The following PALLD variants were observed in gnomAD, a reference collection of about 807,000 sequenced individuals.
PALLD encodes the protein palladin.
PALLD carries 61 observed loss-of-function variants against 123.5 expected under a neutral mutation model. That is an observed-to-expected ratio of 0.49 (90% CI 0.40 to 0.61). The LOEUF (loss-of-function observed/expected upper bound fraction) is 0.61. PALLD is among the 20% of genes least tolerant of loss of function. PALLD has a pLI of 0.00. For missense variants in PALLD, 1,273 were observed against 1,377.0 expected, an observed-to-expected ratio of 0.92 and a Z score of 1.20; for synonymous variants, 465 against 496.4, an observed-to-expected ratio of 0.94 and a Z score of 0.84.
intron 10 of PALLD, among the ~76,000 whole-genome samples, chr4:168,796,006 T>C (rs1359794998): frequency 6.6e-6 from 1 of 152,200 alleles, no homozygotes; most frequent in Non-Finnish European, 1.5e-5. Context: ...TCATGGAGAA[T>C]GGGGTACCCG....
rs763283965 is a variant in PALLD, at chr4:168,668,292, C to T, written c.1011C>T (p.Asp337=). 2.7e-5 allele frequency: 44 copies of T among 1,613,958 alleles called. No individual in the cohort carries two copies. The highest frequency in any genetic ancestry group is 1.6e-4 in the Middle Eastern group (1 of 6,084). ...TGATCATAGCAGAGGCCTTTGAGGA[C>T]GACACAGGTCGCTACACCTGTTTGG... ...HTLIIAEAFE[D]DTGRYTCLAT... Residue 337 remains aspartate, a synonymous_variant, in exon 3 of 22, where the codon GAC becomes GAT. Coordinates refer to ENST00000505667, the MANE Select transcript of PALLD (RefSeq NM_001166108.2).
intron 10 of PALLD, among the ~76,000 whole-genome samples, chr4:168,825,827 C>T (rs187919405): frequency 4.6e-5 from 7 of 152,000 alleles, no homozygotes; most frequent in African/African-American, 1.7e-4. Context: ...CACAAGATTC[C>T]TTGTTATGGT....
chr4:168,556,573 T>TGGTA (rs904728600), intron 2 of PALLD, among the ~76,000 whole-genome samples: 17 of 152,234 alleles, frequency 1.1e-4, no homozygotes, highest in African/African-American at 4.1e-4. Flanking sequence ...ATCAACCTCT[T>TGGTA]GGTAGCCTGC....
intron 10 of PALLD, among the ~76,000 whole-genome samples, chr4:168,831,522 AT>A (rs1744196430): frequency 1.3e-5 from 2 of 152,222 alleles, no homozygotes; most frequent in African/African-American, 4.8e-5. Flanking sequence ...AATATACTGC[AT>A]GATGATTTGT....
intron 2 of PALLD, chr4:168,631,969 C>A: frequency 1.1e-6 from 1 of 892,788 alleles, no homozygotes; most frequent in Non-Finnish European, 1.3e-6. Flanking sequence ...CAGGCAGTGG[C>A]ATGCAAGTAC....
At chr4:168,885,034 CAAAA>C (rs1309511568) in intron 10 of PALLD, among the ~76,000 whole-genome samples, 3 of 152,180 alleles carry the variant, frequency 2.0e-5, no homozygotes, top group Non-Finnish European at 4.4e-5. Context: ...GTGGTTAAAA[CAAAA>C]CAAACAAACA....
chr4:168,732,305 G>A (rs139061211), intron 10 of PALLD, among the ~76,000 whole-genome samples: 135 of 152,280 alleles, frequency 8.9e-4, no homozygotes, highest in Admixed American at 1.8e-3. Context: ...CTACGGGCAG[G>A]TGATTGATTG....
intron 2 of PALLD, among the ~76,000 whole-genome samples, chr4:168,625,215 A>G (rs1047099733): frequency 1.3e-5 from 2 of 151,582 alleles, no homozygotes; most frequent in African/African-American, 4.8e-5. Flanking sequence ...ACCCAAACTA[A>G]AAAAAAATCA....
intron 10 of PALLD, among the ~76,000 whole-genome samples, chr4:168,742,220 C>G (rs76708086): frequency 0.024 from 3,661 of 152,302 alleles, 131 homozygotes; most frequent in African/African-American, 0.074. Flanking sequence ...TTGTCCATCT[C>G]TCCGTCCTTC....
intron 2 of PALLD, among the ~76,000 whole-genome samples, chr4:168,580,584 C>T (rs1770153647): frequency 6.6e-6 from 1 of 151,954 alleles, no homozygotes; most frequent in Non-Finnish European, 1.5e-5. Flanking sequence ...AAAGAACTAA[C>T]TACAGAACTA....
intron 10 of PALLD, among the ~76,000 whole-genome samples, chr4:168,793,696 G>A (rs749689442): frequency 2.0e-5 from 3 of 151,978 alleles, no homozygotes; most frequent in African/African-American, 4.8e-5. Flanking sequence ...TGGACATGTC[G>A]AACATCATAA....
At chr4:168,519,953 T>C (rs2149449776) in intron 2 of PALLD, among the ~76,000 whole-genome samples, 1 of 152,330 alleles carries the variant, frequency 6.6e-6, no homozygotes, top group South Asian at 2.1e-4. Context: ...CAAAAGCCTT[T>C]ATATTTTGCG....
chr4:168,608,122 G>T (rs762193364), intron 2 of PALLD, among the ~76,000 whole-genome samples: 2 of 152,168 alleles, frequency 1.3e-5, no homozygotes, highest in South Asian at 4.1e-4. Flanking sequence ...TTAAACAATC[G>T]CTGTGGCTGT....
chr4:168,598,202 A>T, intron 2 of PALLD: 1 of 351,640 alleles, frequency 2.8e-6, no homozygotes. Context: ...TATTTGTTAA[A>T]TCTAGTCCAT....
At chr4:168,631,953 C>T (rs1216264236) in intron 2 of PALLD, 4 of 966,010 alleles carry the variant, frequency 4.1e-6, no homozygotes, top group Non-Finnish European at 4.9e-6. Flanking sequence ...AGCTTTGCAG[C>T]CTTTCCAGGC....
At chr4:168,821,485 A>G (rs1742705357) in intron 10 of PALLD, among the ~76,000 whole-genome samples, 1 of 152,172 alleles carries the variant, frequency 6.6e-6, no homozygotes, top group African/African-American at 2.4e-5. Context: ...GGGTATATAT[A>G]TGTATGTACA....
At chr4:168,819,434 C>T (rs575558203) in intron 10 of PALLD, among the ~76,000 whole-genome samples, 2 of 151,742 alleles carry the variant, frequency 1.3e-5, no homozygotes, top group South Asian at 2.1e-4. Context: ...GATTAAACAC[C>T]GTCATCAGCA....
chr4:168,735,950 T>C (rs1309806645), intron 10 of PALLD, among the ~76,000 whole-genome samples: 1 of 152,186 alleles, frequency 6.6e-6, no homozygotes, highest in African/African-American at 2.4e-5. Context: ...GGCACTTGAC[T>C]AACATTCCAC....
chr4:168,803,084 A>G (rs1390487893), intron 10 of PALLD, among the ~76,000 whole-genome samples: 1 of 152,204 alleles, frequency 6.6e-6, no homozygotes, highest in Non-Finnish European at 1.5e-5. Flanking sequence ...TTGAATCTCA[A>G]ATGTATTAGT....
Sources: allele counts gnomAD v4.1 joint callset (sites outside exome capture counted in the v4.1 genomes callset), GRCh38; gene constraint gnomAD v4.1.1; transcripts MANE v1.5; gene names NCBI Gene and HGNC (gene_info 2026-07-23, HGNC 2026-07-21).